Variants in DGKK observed in about 807,000 individuals in gnomAD.
The protein encoded by DGKK is diacylglycerol kinase kappa.
Under a neutral mutation model 92.2 loss-of-function variants are expected in DGKK, and 35 were observed. That is an observed-to-expected ratio of 0.38 (90% CI 0.29 to 0.50). DGKK has a LOEUF of 0.50. DGKK is among the 20% of genes least tolerant of loss of function. The pLI is 0.92. For synonymous variants in DGKK, 368 were observed against 360.6 expected (o/e 1.02, Z -0.23); for missense variants, 910 against 992.2 (o/e 0.92, Z 1.11).
intron 12 of DGKK, among the ~76,000 whole-genome samples, chrX:50,389,101 CTG>C: frequency 9.0e-6 from 1 of 111,617 alleles, no homozygotes; most frequent in Non-Finnish European, 1.9e-5. Context: ...GAGATAAAGA[CTG>C]TTATTATCTC....
At position 50,470,518 on chromosome X, in the gene DGKK, A is replaced by T. The variant is rs1602312333; in HGVS notation, c.161T>A (p.Ile54Lys). ...PLLSEASPEP[I>K]PEPCPELAPG... The stretch of plus-strand genomic sequence containing the variant: ...AGCAAGCTCTGGACAGGGCTCTGGT[A>T]TGGGTTCTGGCGAAGCCTCGGAGAG... Residue 54 changes from isoleucine (I) to lysine (K), a missense_variant, in exon 1 of 28, where the codon ATA becomes AAA. Ile to Lys is a moderately radical substitution (Grantham distance 102, BLOSUM62 -3). Coordinates refer to ENST00000611977, the MANE Select transcript of DGKK (RefSeq NM_001013742.4). 3 of 1,211,763 alleles carry T rather than the reference A, an allele frequency of 2.5e-6. No individual in the cohort carries two copies. Among genetic ancestry groups the T allele is most frequent in the Non-Finnish European group, 3.4e-6 (3 of 895,514 alleles).
intron 1 of DGKK, among the ~76,000 whole-genome samples, chrX:50,449,213 G>A (rs1468696760): frequency 9.0e-6 from 1 of 111,481 alleles, no homozygotes; most frequent in Non-Finnish European, 1.9e-5. Context: ...GTAGTCAGAG[G>A]GGAGATAGCG....
chrX:50,377,915 T>A (rs1326868957), intron 22 of DGKK, among the ~76,000 whole-genome samples, 183 bp downstream of exon 22: 1 of 111,103 alleles, frequency 9.0e-6, no homozygotes, highest in Admixed American at 9.6e-5. Context: ...TGCAACCCTA[T>A]GTGGTTCAGT....
In DGKK at chrX:50,453,239, G is replaced by A. The variant is rs112182114; in HGVS notation, c.645+16795C>T. On this transcript the variant is annotated intron_variant, in intron 1 of 27. Transcript: ENST00000611977. ...TTATCTTGAGGTGGACTAGGAAGTG[G>A]TTTTGTAGTCTGGAGCCTTGGGCCT... Among the ~76,000 whole-genome samples the A allele has an allele frequency of 4.2e-3, 472 of 111,377 alleles. 1 individual carries two copies. Among genetic ancestry groups the A allele is most frequent in the African/African-American group, 0.015 (450 of 30,746 alleles).
At chrX:50,403,445 G>A (rs1925062148) in intron 6 of DGKK, 46 bp downstream of exon 6, 1 of 1,102,804 alleles carries the variant, frequency 9.1e-7, no homozygotes, top group Non-Finnish European at 1.3e-6. Context: ...CTGGTTGAAG[G>A]GGACATGGGA....
chrX:50,386,508 T>A lies in DGKK; in HGVS notation c.2197A>T (p.Ser733Cys), dbSNP rs782350780. ...EEAAATSAEK[S>C]ATEYADSSKA... Reference sequence around the variant, plus strand: ...CTGCTGTCTGCATATTCTGTAGCACTTTTTTCAGCAGAAGTAGCTGCTGCC... The same window carrying A: ...CTGCTGTCTGCATATTCTGTAGCACATTTTTCAGCAGAAGTAGCTGCTGCC... The change falls in exon 15 of 28, where the codon AGT (serine) becomes TGT (cysteine). Residue 733 changes from serine (S) to cysteine (C), a missense_variant. By Grantham distance (112) the Ser-to-Cys change is moderately radical. Coordinates refer to ENST00000611977, the MANE Select transcript of DGKK (RefSeq NM_001013742.4). 8.3e-7 allele frequency: 1 copy of A among 1,210,856 alleles called. No homozygotes were observed. The highest frequency in any genetic ancestry group is 1.8e-5 in the South Asian group (1 of 56,935).
At chrX:50,449,831 G>A (rs781983095) in intron 1 of DGKK, among the ~76,000 whole-genome samples, 5 of 111,862 alleles carry the variant, frequency 4.5e-5, no homozygotes, top group African/African-American at 1.3e-4. Flanking sequence ...TCAATCCCTC[G>A]AATTGACTTT....
chrX:50,424,135 T>A, intron 2 of DGKK, 113 bp downstream of exon 2: 1 of 644,294 alleles, frequency 1.6e-6, no homozygotes, highest in Non-Finnish European at 2.3e-6. Flanking sequence ...GTAGAGGGCT[T>A]CAACTTCCAC....
intron 26 of DGKK, 26 bp downstream of exon 26, chrX:50,371,698 A>G: frequency 2.8e-6 from 3 of 1,087,867 alleles, no homozygotes; most frequent in Non-Finnish European, 3.8e-6. Context: ...CTTTCCCTTT[A>G]TTTCCCAATT....
intron 1 of DGKK, among the ~76,000 whole-genome samples, chrX:50,433,338 T>C (rs1244019620): frequency 1.8e-5 from 2 of 112,140 alleles, no homozygotes; most frequent in Non-Finnish European, 3.8e-5. Context: ...TCAAGTCAAA[T>C]AGCAAATTAG....
intron 18 of DGKK, among the ~76,000 whole-genome samples, 156 bp from the exon 19 acceptor site, chrX:50,380,233 A>T (rs1298127151): frequency 8.9e-6 from 1 of 112,298 alleles, no homozygotes; most frequent in Non-Finnish European, 1.9e-5. Flanking sequence ...TGTAACTGAT[A>T]TCCAATGCAA....
At chrX:50,462,999 G>A (rs782619255) in intron 1 of DGKK, among the ~76,000 whole-genome samples, 48 of 90,235 alleles carry the variant, frequency 5.3e-4, no homozygotes, top group African/African-American at 1.7e-3. Context: ...CCCCCCACAC[G>A]CACATTCCCC....
rs781931970 is a variant in DGKK, at chrX:50,417,191, A to G, written c.942+3212T>C. On this transcript the variant is annotated intron_variant, in intron 4 of 27. Transcript: ENST00000611977. ...AATTTGTTTGTTTGTATTACTTCCAATGATAGGGAGTTGTCCACCTCAAGA... is the reference window on the plus strand; with the variant it reads ...AATTTGTTTGTTTGTATTACTTCCAGTGATAGGGAGTTGTCCACCTCAAGA... 3.3e-4 allele frequency among the ~76,000 whole-genome samples: 36 copies of G among 108,757 alleles called. 1 individual carries two copies. The highest frequency in any genetic ancestry group is 2.3e-3 in the Admixed American group (23 of 9,890). 94.4% of individuals were successfully genotyped at this position (108,757 alleles called of 115,157 possible).
intron 1 of DGKK, among the ~76,000 whole-genome samples, chrX:50,460,896 AT>A (rs59461560): frequency 1.6e-3 from 163 of 101,143 alleles, no homozygotes; most frequent in Admixed American, 5.2e-3. Flanking sequence ...GCCATCACTA[AT>A]TTTTTTTTTT....
Position 50,386,349 on chromosome X carries a change from C to A in DGKK, c.2347+9G>T. The A allele has an allele frequency of 8.4e-7, 1 of 1,194,828 alleles. No individual in the cohort carries two copies. The highest frequency in any genetic ancestry group is 1.8e-5 in the South Asian group (1 of 56,480). ...CCTACCTCAGTCACTACAACCCTGGCCACCTTACCTTGTTCAACTTGAAAT... is the reference window on the plus strand; with the variant it reads ...CCTACCTCAGTCACTACAACCCTGGACACCTTACCTTGTTCAACTTGAAAT... On this transcript the variant is annotated intron_variant, in intron 15 of 27. Transcript: ENST00000611977.
chrX:50,447,342 AT>A (rs57496477), intron 1 of DGKK, among the ~76,000 whole-genome samples: 541 of 14,399 alleles, frequency 0.038, 45 homozygotes, highest in African/African-American at 0.17. Context: ...ATATATATAT[AT>A]TATATATATA....
chrX:50,440,368 C>T (rs782771595), intron 1 of DGKK, among the ~76,000 whole-genome samples: 3 of 111,574 alleles, frequency 2.7e-5, no homozygotes, highest in African/African-American at 9.8e-5. Flanking sequence ...CATTTTTCCA[C>T]GAAACCAACA....
chrX:50,452,338 A>G (rs1926514838), intron 1 of DGKK, among the ~76,000 whole-genome samples: 1 of 112,310 alleles, frequency 8.9e-6, no homozygotes, highest in African/African-American at 3.2e-5. Context: ...CATAGGACAG[A>G]GAAGTATTAT....
rs782035978 is a variant in DGKK at position 50,404,070 on chromosome X, T to C, written c.1057A>G (p.Arg353Gly). The C allele has an allele frequency of 8.3e-7, 1 of 1,210,962 alleles. No homozygotes were observed. Among genetic ancestry groups the C allele is most frequent in the Non-Finnish European group, 1.1e-6 (1 of 895,231 alleles). Residue 353 changes from arginine (R) to glycine (G), a missense_variant, in exon 5 of 28, where the codon AGA (arginine) becomes GGA (glycine). Physicochemically the swap from Arg to Gly is moderately radical, Grantham distance 125. Transcript: ENST00000611977. Reference sequence around the variant, plus strand: ...GTACCTTCACAGATGATGGCATCTCTAGATAAGGCAGGAATGCTCTCTCGA... The same window carrying C: ...GTACCTTCACAGATGATGGCATCTCCAGATAAGGCAGGAATGCTCTCTCGA... ...VCRESIPALS[R>G]DAIICEVCKV...
Sources: gnomAD v4.1 joint callset for allele counts (sites outside exome capture counted in the v4.1 genomes callset) on GRCh38, gnomAD v4.1.1 for gene constraint, MANE v1.5 for transcripts, NCBI Gene and HGNC (gene_info 2026-07-23, HGNC 2026-07-21) for gene names.